BRI3: variants seen among roughly 807,000 people sequenced by gnomAD.
BRI3 encodes the protein brain protein I3.
In BRI3, 6 loss-of-function variants were observed where a neutral mutation model predicts 12.8. The ratio of observed to expected loss-of-function variants is 0.47; its 90% CI spans 0.26 to 0.93. BRI3 has a LOEUF of 0.93. Among genes scored for constraint, BRI3 ranks in the 40% least tolerant of loss-of-function variants. The pLI is 0.15. For synonymous variants in BRI3, 91 were observed against 76.1 expected, an observed-to-expected ratio of 1.20 and a Z score of -1.02; for missense variants, 134 against 171.1, an observed-to-expected ratio of 0.78 and a Z score of 1.21.
chr7:98,320,409 C>T, the BRI3 span: 14 of 758,064 alleles, frequency 1.8e-5, no homozygotes, highest in African/African-American at 7.1e-5. Flanking sequence ...GATCTTGGCC[C>T]GCTGCAACCT....
downstream of BRI3, among the ~76,000 whole-genome samples, chr7:98,294,385 T>C (rs1800099521): frequency 6.6e-6 from 1 of 152,190 alleles, no homozygotes; most frequent in South Asian, 2.1e-4. Context: ...TTAGACTGTC[T>C]AAATTCACTT....
downstream of BRI3, among the ~76,000 whole-genome samples, chr7:98,296,945 T>C (rs1800216611): frequency 6.6e-6 from 1 of 152,238 alleles, no homozygotes; most frequent in African/African-American, 2.4e-5. Flanking sequence ...AACATAGACC[T>C]GCCCTCCTCT....
chr7:98,296,680 T>C (rs1294346693), downstream of BRI3, among the ~76,000 whole-genome samples: 1 of 152,110 alleles, frequency 6.6e-6, no homozygotes, highest in African/African-American at 2.4e-5. Context: ...CAAAAACATA[T>C]TGGACGTGTT....
chr7:98,287,918 G>A (rs1421345185), intron 2 of BRI3, among the ~76,000 whole-genome samples: 1 of 152,170 alleles, frequency 6.6e-6, no homozygotes, highest in Non-Finnish European at 1.5e-5. Context: ...GCATCTCTGG[G>A]CCTTTGAACA....
chr7:98,294,919 T>C (rs189696664), downstream of BRI3, among the ~76,000 whole-genome samples: 22 of 152,146 alleles, frequency 1.4e-4, no homozygotes, highest in African/African-American at 5.1e-4. Flanking sequence ...GTGCGCGCCT[T>C]CTTTCCCTCA....
chr7:98,294,063 G>A, downstream of BRI3: 1 of 1,613,706 alleles, frequency 6.2e-7, no homozygotes, highest in Non-Finnish European at 8.5e-7. Flanking sequence ...CACGTAGGAA[G>A]CCACGCCTAC....
At chr7:98,315,946 C>G in the BRI3 span, among the ~76,000 whole-genome samples, 5 of 152,156 alleles carry the variant, frequency 3.3e-5, no homozygotes, top group Admixed American at 6.6e-5. Context: ...AGGTTCAAAC[C>G]CAGTTCCAAA....
At chr7:98,292,573 C>T, downstream of BRI3, 2 of 1,468,206 alleles carry the variant, frequency 1.4e-6, no homozygotes, top group South Asian at 1.2e-5. Context: ...GTCCTCACAT[C>T]CATACCATAG....
chr7:98,318,247 T>C, the BRI3 span, among the ~76,000 whole-genome samples: 1 of 152,210 alleles, frequency 6.6e-6, no homozygotes, highest in African/African-American at 2.4e-5. Context: ...TTATTCCTTC[T>C]TTCCTCAAAG....
chr7:98,304,263 C>G, upstream of BRI3: 1 of 1,613,666 alleles, frequency 6.2e-7, no homozygotes, highest in East Asian at 2.2e-5. Flanking sequence ...CGAATCTGCT[C>G]TCCTGTCGGC....
upstream of BRI3, chr7:98,306,447 G>A (rs982702472): frequency 1.9e-6 from 3 of 1,614,034 alleles, no homozygotes; most frequent in African/African-American, 4.0e-5. Context: ...ACCTTGGCGT[G>A]GGCACGGTCA....
chr7:98,314,218 A>G (rs563765401), downstream of BRI3, among the ~76,000 whole-genome samples: 1 of 152,114 alleles, frequency 6.6e-6, no homozygotes, highest in Non-Finnish European at 1.5e-5. Context: ...CCTGACCTCA[A>G]GTGATTCACC....
the BRI3 span, among the ~76,000 whole-genome samples, chr7:98,319,602 A>G: frequency 6.4e-4 from 93 of 145,290 alleles, no homozygotes; most frequent in African/African-American, 2.3e-3. Context: ...GCTGGAGTGC[A>G]GTGGCGCAAT....
At chr7:98,314,665 G>A (rs1034372307), downstream of BRI3, among the ~76,000 whole-genome samples, 27 of 152,186 alleles carry the variant, frequency 1.8e-4, no homozygotes, top group African/African-American at 4.6e-4. Flanking sequence ...ACGCATCACT[G>A]AGCCCAGCTG....
chr7:98,282,494 T>C (rs1471887275), intron 2 of BRI3, 41 bp downstream of exon 2: 4 of 1,543,582 alleles, frequency 2.6e-6, no homozygotes, highest in Non-Finnish European at 2.7e-6. Flanking sequence ...CTGGAAGCTC[T>C]GAGGACCCCC....
chr7:98,288,788 A>AGGTTGGGGGG (rs11275179), intron 2 of BRI3, among the ~76,000 whole-genome samples: 3 of 150,680 alleles, frequency 2.0e-5, no homozygotes, highest in African/African-American at 7.3e-5. Context: ...TTTTGTAGGG[A>AGGTTGGGGGG]GGGGTCTTTG....
chr7:98,285,139 A>T (rs1197451951), intron 2 of BRI3, among the ~76,000 whole-genome samples: 1 of 152,156 alleles, frequency 6.6e-6, no homozygotes, highest in Non-Finnish European at 1.5e-5. Context: ...AGAGAGAGGA[A>T]ATCCTGGAAA....
chr7:98,321,851 C>G, the BRI3 span, among the ~76,000 whole-genome samples: 1 of 152,128 alleles, frequency 6.6e-6, no homozygotes, highest in South Asian at 2.1e-4. Flanking sequence ...CATCCTAGCA[C>G]TTTTGGGAGG....
At chr7:98,286,387 G>A (rs897614028) in intron 2 of BRI3, among the ~76,000 whole-genome samples, 1 of 152,202 alleles carries the variant, frequency 6.6e-6, no homozygotes, top group African/African-American at 2.4e-5. Flanking sequence ...TTAAGGGAGT[G>A]CTCTTGGAAT....
Sources: allele counts gnomAD v4.1 joint callset (sites outside exome capture counted in the v4.1 genomes callset), GRCh38; gene constraint gnomAD v4.1.1; transcripts MANE v1.5; gene names NCBI Gene and HGNC (gene_info 2026-07-23, HGNC 2026-07-21).